MAN1A2: variants seen among roughly 807,000 people sequenced by gnomAD.
MAN1A2 encodes mannosyl-oligosaccharide 1,2-alpha-mannosidase IB.
In MAN1A2, 26 loss-of-function variants were observed where a neutral mutation model predicts 75.7. That is an observed-to-expected ratio of 0.34 (90% CI 0.25 to 0.48). The LOEUF is 0.48. Among genes scored for constraint, MAN1A2 ranks in the 20% least tolerant of loss-of-function variants. The pLI is 0.99. For synonymous variants in MAN1A2, 247 were observed against 264.6 expected (o/e 0.93, Z 0.65); for missense variants, 562 against 775.5 (o/e 0.72, Z 3.27).
intron 1 of MAN1A2, among the ~76,000 whole-genome samples, chr1:117,372,648 A>G (rs951990940): frequency 6.6e-6 from 1 of 152,214 alleles, no homozygotes; most frequent in East Asian, 1.9e-4. Flanking sequence ...TGCAGTACCC[A>G]AAACCAGAAG....
intron 8 of MAN1A2, among the ~76,000 whole-genome samples, chr1:117,473,610 G>A (rs1423974617): frequency 6.6e-6 from 1 of 151,828 alleles, no homozygotes; most frequent in Non-Finnish European, 1.5e-5. Flanking sequence ...TCTGTCACTT[G>A]TTGAATCCAT....
At chr1:117,421,389 TTTTG>T (rs1648189895) in intron 5 of MAN1A2, among the ~76,000 whole-genome samples, 1 of 152,066 alleles carries the variant, frequency 6.6e-6, no homozygotes, top group Non-Finnish European at 1.5e-5. Flanking sequence ...GTTAGCTGTA[TTTTG>T]TTTAATTTTT....
chr1:117,392,603 TAA>T (rs1478925725), intron 1 of MAN1A2, among the ~76,000 whole-genome samples: 3 of 152,226 alleles, frequency 2.0e-5, no homozygotes, highest in African/African-American at 7.2e-5. Flanking sequence ...TCACATTTCG[TAA>T]ATTTTACTGA....
At chr1:117,519,100 C>T (rs1286108051) in intron 12 of MAN1A2, among the ~76,000 whole-genome samples, 2 of 151,892 alleles carry the variant, frequency 1.3e-5, no homozygotes, top group Admixed American at 6.6e-5. Context: ...GAGTCAAAAA[C>T]GAAATCAAGA....
chr1:117,429,842 TGGCCGGGCGGGG>T (rs1261103378), intron 5 of MAN1A2, among the ~76,000 whole-genome samples: 1,181 of 68,764 alleles, frequency 0.017, 2 homozygotes, highest in Middle Eastern at 0.054. Context: ...AGGGGGCGGC[TGGCCGGGCGGGG>T]GGCCGACCCC....
Position 117,527,626 on chromosome 1 carries a change from AT to A in MAN1A2, c.*4673del, listed in dbSNP as rs1363957027. On this transcript the variant is annotated 3_prime_UTR_variant, in exon 13 of 13. Transcript: ENST00000356554. ...AGGGAAGATGGGTATGCTATCAGCC[AT>A]TTTCTTTGCCTTGTCATTTAATGCC... The A allele has an allele frequency of 1.7e-4, 26 of 151,958 alleles. No individual in the cohort carries two copies. 9.4% of individuals were successfully genotyped at this position (151,958 alleles called of 1,614,324 possible).
chr1:117,384,834 T>C (rs1653470538), intron 1 of MAN1A2, among the ~76,000 whole-genome samples: 1 of 152,304 alleles, frequency 6.6e-6, no homozygotes, highest in African/African-American at 2.4e-5. Context: ...GATACCATCC[T>C]TATGCTTTCA....
At chr1:117,444,637 C>G (rs1388442930) in intron 6 of MAN1A2, among the ~76,000 whole-genome samples, 3 of 151,814 alleles carry the variant, frequency 2.0e-5, no homozygotes, top group Non-Finnish European at 4.4e-5. Flanking sequence ...TTTGAACATC[C>G]TTTTCATAAA....
intron 1 of MAN1A2, among the ~76,000 whole-genome samples, chr1:117,389,952 TTGA>T (rs1455986697): frequency 6.6e-6 from 1 of 152,198 alleles, no homozygotes; most frequent in African/African-American, 2.4e-5. Flanking sequence ...TCTGCATCTC[TTGA>T]TGATCATGAG....
chr1:117,528,309 G>T lies in MAN1A2; in HGVS notation c.*5352G>T, dbSNP rs1445551596. On this transcript the variant is annotated 3_prime_UTR_variant, in exon 13 of 13. Transcript: ENST00000356554. ...TATTTGGGGAAATTTTAGAGGAGGGGAAGCCTGTATTCAGGATGATAGAGG... is the reference window on the plus strand; with the variant it reads ...TATTTGGGGAAATTTTAGAGGAGGGTAAGCCTGTATTCAGGATGATAGAGG... 1 of 151,924 alleles carries T rather than the reference G, an allele frequency of 6.6e-6. No homozygotes were observed. The highest frequency in any genetic ancestry group is 6.6e-5 in the Admixed American group (1 of 15,204). 9.4% of individuals were successfully genotyped at this position (151,924 alleles called of 1,614,324 possible). A position where few individuals can be genotyped will look rare whatever the true frequency, so the allele number is the denominator to read the frequency against.
rs1652810038 is a variant in MAN1A2 at position 117,367,629 on chromosome 1, C to G, written c.-555C>G. 6.6e-6 allele frequency: 1 copy of G among 152,370 alleles called. No individual in the cohort carries two copies. Among genetic ancestry groups the G allele is most frequent in the Non-Finnish European group, 1.5e-5 (1 of 68,130 alleles). 9.4% of individuals were successfully genotyped at this position (152,370 alleles called of 1,614,324 possible). On this transcript the variant is annotated 5_prime_UTR_variant, in exon 1 of 13. Coordinates refer to ENST00000356554, the MANE Select transcript of MAN1A2 (RefSeq NM_006699.5). ...GGCCGAGAACTCCTTCCTGCTACTT[C>G]GCCCAGCGCCGCTGCTTCGGCTTCC...
In MAN1A2 at chr1:117,369,404, A is replaced by G. The variant is rs371198963; in HGVS notation, c.302+919A>G. Reference sequence around the variant, plus strand: ...TGCCATCTTTTCCTTGTTTCTTAAAATAATTCTTGAGTATGTGGGAAAAAA... The same window carrying G: ...TGCCATCTTTTCCTTGTTTCTTAAAGTAATTCTTGAGTATGTGGGAAAAAA... On this transcript the variant is annotated intron_variant, in intron 1 of 12. Transcript: ENST00000356554. Among the ~76,000 whole-genome samples, 22 of 152,316 alleles carry G rather than the reference A, an allele frequency of 1.4e-4. 1 individual carries two copies. The highest frequency in any genetic ancestry group is 4.8e-4 in the African/African-American group (20 of 41,564).
chr1:117,460,875 G>T (rs540193383), intron 7 of MAN1A2, among the ~76,000 whole-genome samples: 7 of 152,104 alleles, frequency 4.6e-5, no homozygotes, highest in Non-Finnish European at 8.8e-5. Flanking sequence ...GCATTGTGCT[G>T]CGGTACCTAC....
chr1:117,489,849 A>G (rs1300719109), intron 8 of MAN1A2, among the ~76,000 whole-genome samples: 2 of 152,090 alleles, frequency 1.3e-5, no homozygotes, highest in Admixed American at 1.3e-4. Context: ...AGTTTTTGCC[A>G]TAAATCACTG....
intron 8 of MAN1A2, among the ~76,000 whole-genome samples, chr1:117,484,233 A>G (rs1650592905): frequency 6.6e-6 from 1 of 152,018 alleles, no homozygotes; most frequent in East Asian, 1.9e-4. Flanking sequence ...AATCATAAGG[A>G]AGAGAAAATA....
chr1:117,447,233 A>G (rs1352329549), intron 6 of MAN1A2, among the ~76,000 whole-genome samples: 2 of 152,166 alleles, frequency 1.3e-5, no homozygotes, highest in Admixed American at 6.5e-5. Flanking sequence ...GACATTTTAC[A>G]TCATTTAGCA....
intron 5 of MAN1A2, among the ~76,000 whole-genome samples, chr1:117,435,928 G>A (rs1648832311): frequency 6.6e-6 from 1 of 152,044 alleles, no homozygotes; most frequent in Non-Finnish European, 1.5e-5. Context: ...CGTGGTGGCA[G>A]ATGCCTGTAA....
intron 1 of MAN1A2, among the ~76,000 whole-genome samples, chr1:117,373,147 G>T (rs527257251): frequency 1.3e-5 from 2 of 149,832 alleles, no homozygotes; most frequent in African/African-American, 4.9e-5. Context: ...GTTATGATTC[G>T]TGTTTTTTTT....
At chr1:117,390,697 G>A (rs558963313) in intron 1 of MAN1A2, among the ~76,000 whole-genome samples, 1 of 151,590 alleles carries the variant, frequency 6.6e-6, no homozygotes, top group African/African-American at 2.4e-5. Flanking sequence ...TAAGTTAGAA[G>A]CTGAGGTTCT....
Sources: gnomAD v4.1 joint callset for allele counts (sites outside exome capture counted in the v4.1 genomes callset) on GRCh38, gnomAD v4.1.1 for gene constraint, MANE v1.5 for transcripts, NCBI Gene and HGNC (gene_info 2026-07-23, HGNC 2026-07-21) for gene names.